The following SPOCK2 variants were observed in gnomAD, a reference collection of about 807,000 sequenced individuals.
The protein encoded by SPOCK2 is SPARC (osteonectin), cwcv and kazal like domains proteoglycan 2.
Under a neutral mutation model 60.1 loss-of-function variants are expected in SPOCK2, and 39 were observed. The ratio of observed to expected loss-of-function variants is 0.65; its 90% CI spans 0.50 to 0.85. The LOEUF (loss-of-function observed/expected upper bound fraction) is 0.85, where lower values mean the gene tolerates loss of function less well. Ranked by LOEUF, SPOCK2 falls within the 40% of genes least tolerant of loss-of-function variation. The pLI is 0.00. For missense variants in SPOCK2, 523 were observed against 567.4 expected, an observed-to-expected ratio of 0.92 and a Z score of 0.80; for synonymous variants, 217 against 231.5, an observed-to-expected ratio of 0.94 and a Z score of 0.57.
At chr10:72,088,929 C>G (rs1432585189), upstream of SPOCK2, 3 of 152,414 alleles carry the variant, frequency 2.0e-5, no homozygotes, top group Non-Finnish European at 4.4e-5. Context: ...CCCCTTGCCT[C>G]CCACCCAGAG....
At chr10:72,063,902 G>A in intron 9 of SPOCK2, among the ~76,000 whole-genome samples, 1 of 152,196 alleles carries the variant, frequency 6.6e-6, no homozygotes, top group East Asian at 1.9e-4. Context: ...CTCAGTGGAG[G>A]GTTCCAGGAT....
chr10:72,072,466 T>A, intron 3 of SPOCK2, 37 bp downstream of exon 3: 1 of 1,613,442 alleles, frequency 6.2e-7, no homozygotes, highest in Non-Finnish European at 8.5e-7. Context: ...TCTTCACACG[T>A]GTCAGTCACC....
rs535026375 is a variant in SPOCK2, at chr10:72,065,022, G to A, written c.929-782C>T. On this transcript the variant is annotated intron_variant, in intron 8 of 10. Coordinates refer to ENST00000373109, the MANE Select transcript of SPOCK2 (RefSeq NM_001244950.2). ...TGGGATTACAGGCATGAGCCACCGC[G>A]CCCAGCCTTATTTTATTTTTTGAGA... Among the ~76,000 whole-genome samples, 4 of 124,478 alleles carry A rather than the reference G, an allele frequency of 3.2e-5. 1 individual carries two copies. Among genetic ancestry groups the A allele is most frequent in the African/African-American group, 2.6e-5 (1 of 38,344 alleles). 81.7% of individuals were successfully genotyped at this position (124,478 alleles called of 152,430 possible).
chr10:72,082,288 C>T (rs1840795621), intron 1 of SPOCK2, among the ~76,000 whole-genome samples: 1 of 152,222 alleles, frequency 6.6e-6, no homozygotes, highest in African/African-American at 2.4e-5. Context: ...GGTCTGCACA[C>T]TGAGGCTGGG....
chr10:72,071,745 T>C (rs1231474720), intron 4 of SPOCK2, among the ~76,000 whole-genome samples: 1 of 152,176 alleles, frequency 6.6e-6, no homozygotes, highest in Non-Finnish European at 1.5e-5. Context: ...ATCTCTTAAA[T>C]GACTTACTTT....
Position 72,072,491 on chromosome 10 carries a change from G to A in SPOCK2, c.244+12C>T, listed in dbSNP as rs1396398710. On this transcript the variant is annotated intron_variant, in intron 3 of 10. Transcript: ENST00000373109. ...TGTCAGTCACCTTCCCCCGCCGGGA[G>A]AGTCATGTTACCTTCATCTCCTTGC... The A allele has an allele frequency of 1.2e-6, 2 of 1,613,940 alleles. No homozygotes were observed. The highest frequency in any genetic ancestry group is 1.7e-4 in the Middle Eastern group (1 of 6,060).
At chr10:72,081,988 GGGGAT>G (rs1478565350) in intron 1 of SPOCK2, among the ~76,000 whole-genome samples, 2 of 152,220 alleles carry the variant, frequency 1.3e-5, no homozygotes, top group African/African-American at 4.8e-5. Context: ...GCAATGCTCT[GGGGAT>G]GGGGTGGTAA....
chr10:72,072,936 C>T (rs1362133855), intron 1 of SPOCK2, 26 bp from the exon 2 acceptor site: 24 of 1,554,018 alleles, frequency 1.5e-5, no homozygotes, highest in Non-Finnish European at 2.0e-5. Flanking sequence ...CAGCAGCAGG[C>T]CATGGAAAAC....
rs960368727 is a variant in SPOCK2, at chr10:72,067,495, T to C, written c.709+118A>G. ...GGTGAAGGTTCTTTTGGGGCCCAGA[T>C]TGTAGGGCCCAGAGTCTGGCAGGAA... On this transcript the variant is annotated intron_variant, in intron 7 of 10. Coordinates refer to ENST00000373109, the MANE Select transcript of SPOCK2 (RefSeq NM_001244950.2). The C allele has an allele frequency of 4.2e-5, 64 of 1,512,052 alleles. No individual in the cohort carries two copies. In the African/African-American group the frequency reaches 7.0e-4, roughly 17 times the overall value. The allele number at this position is 1,512,052 out of a possible 1,614,324, so 93.7% of individuals were successfully genotyped here.
In SPOCK2 at chr10:72,063,019, C is replaced by T. The variant is rs774653211; in HGVS notation, c.1129+6G>A. 6.4e-7 allele frequency: 1 copy of T among 1,560,572 alleles called. No homozygotes were observed. Among genetic ancestry groups the T allele is most frequent in the East Asian group, 2.4e-5 (1 of 41,666 alleles). On this transcript the variant is annotated splice_donor_region_variant and intron_variant, in intron 10 of 10. Coordinates refer to ENST00000373109, the MANE Select transcript of SPOCK2 (RefSeq NM_001244950.2). ...CCCAGCAGGCCCTGAGCTGCCCAGC[C>T]CGTACCGCAGTCGGGGCTCCCATGC...
intron 1 of SPOCK2, chr10:72,086,857 C>G (rs1340587467): frequency 1.3e-6 from 2 of 1,548,730 alleles, no homozygotes; most frequent in Non-Finnish European, 1.7e-6. Context: ...CTTCCCATCA[C>G]TTGGCTGGAT....
At position 72,088,362 on chromosome 10, in the gene SPOCK2, T is replaced by G; in HGVS notation, c.-34A>C. On this transcript the variant is annotated 5_prime_UTR_variant, in exon 1 of 11. Transcript: ENST00000373109. ...GGGTTCGACCTGGGGGGGTCTTGAC[T>G]TCTGCAGTATTTTAATGTCCTTCCT... The G allele has an allele frequency of 6.6e-7, 1 of 1,508,474 alleles. No homozygotes were observed. Among genetic ancestry groups the G allele is most frequent in the Non-Finnish European group, 8.8e-7 (1 of 1,132,054 alleles). 93.4% of individuals were successfully genotyped at this position (1,508,474 alleles called of 1,614,324 possible).
chr10:72,077,602 T>C (rs1840729970), intron 1 of SPOCK2, among the ~76,000 whole-genome samples: 1 of 152,194 alleles, frequency 6.6e-6, no homozygotes, highest in African/African-American at 2.4e-5. Flanking sequence ...TTATGTCTAA[T>C]ATTTTGCTTA....
intron 1 of SPOCK2, among the ~76,000 whole-genome samples, chr10:72,083,581 C>G (rs764882191): frequency 4.5e-4 from 69 of 152,330 alleles, no homozygotes; most frequent in Middle Eastern, 3.4e-3. Flanking sequence ...TCCTCTCAGG[C>G]TGCTGCTAGA....
chr10:72,070,317 A>T lies in SPOCK2; in HGVS notation c.469T>A (p.Ser157Thr). 1 of 1,614,046 alleles carries T rather than the reference A, an allele frequency of 6.2e-7. No individual in the cohort carries two copies. Among genetic ancestry groups the T allele is most frequent in the Non-Finnish European group, 8.5e-7 (1 of 1,179,988 alleles). The change falls in exon 5 of 11, where the codon TCT (serine) becomes ACT (threonine). Residue 157 changes from serine (S) to threonine (T), a missense_variant. By Grantham distance (58) the Ser-to-Thr change is moderately conservative. Transcript: ENST00000373109. ...VCGSDGHTYS[S>T]VCKLEQQACL... Reference sequence around the variant, plus strand: ...CTGGGGCCTGGGCTCCTCACCACAGAGCTGTAAGTGTGGCCATCTGAGCCG... The same window carrying T: ...CTGGGGCCTGGGCTCCTCACCACAGTGCTGTAAGTGTGGCCATCTGAGCCG...
At position 72,062,831 on chromosome 10, in the gene SPOCK2, C is replaced by T. The variant is rs1840512101; in HGVS notation, c.1204G>A (p.Glu402Lys). 1 of 1,609,366 alleles carries T rather than the reference C, an allele frequency of 6.2e-7. No individual in the cohort carries two copies. Among genetic ancestry groups the T allele is most frequent in the African/African-American group, 1.3e-5 (1 of 75,028 alleles). Residue 402 changes from glutamate (E) to lysine (K), a missense_variant, in exon 11 of 11, where the codon GAA becomes AAA. Transcript: ENST00000373109. The surrounding 1 kb of genome is among the most constrained non-coding windows in gnomAD (Gnocchi z 4.3). ...WEDEEEKETE[E>K]AGEEAEEEEG... Reference sequence around the variant, plus strand: ...TCCTCCTCGGCCTCCTCGCCTGCTTCCTCCGTCTCCTTCTCCTCCTCATCC... The same window carrying T: ...TCCTCCTCGGCCTCCTCGCCTGCTTTCTCCGTCTCCTTCTCCTCCTCATCC...
rs934847278 is a variant in SPOCK2, at chr10:72,059,713, C to T, written c.*3047G>A. 2 of 152,714 alleles carry T rather than the reference C, an allele frequency of 1.3e-5. No individual in the cohort carries two copies. Among genetic ancestry groups the T allele is most frequent in the Non-Finnish European group, 2.9e-5 (2 of 68,138 alleles). 9.5% of individuals were successfully genotyped at this position (152,714 alleles called of 1,614,324 possible). On this transcript the variant is annotated 3_prime_UTR_variant, in exon 11 of 11. Transcript: ENST00000373109. ...GGAGTGAAGGGGGGTGACCACCCCC[C>T]ACGTGTGGGACAACAGGGGGCAGTC...
intron 5 of SPOCK2, 104 bp from the exon 6 acceptor site, chr10:72,068,405 C>A: frequency 8.1e-7 from 1 of 1,228,752 alleles, no homozygotes; most frequent in South Asian, 1.5e-5. Flanking sequence ...TCTGCCTCCC[C>A]CCATGGAGTG....
At position 72,066,911 on chromosome 10, in the gene SPOCK2, A is replaced by T; in HGVS notation, c.919T>A (p.Trp307Arg). Residue 307 changes from tryptophan (W) to arginine (R), a missense_variant, in exon 8 of 11, where the codon TGG (tryptophan) becomes AGG (arginine). Trp to Arg is a moderately radical substitution (Grantham distance 101). Coordinates refer to ENST00000373109, the MANE Select transcript of SPOCK2 (RefSeq NM_001244950.2). Reference protein sequence around the residue: ...VSTAEWCFCFWREKPPCLAEL... With the variant: ...VSTAEWCFCFRREKPPCLAEL... ...GGGGGGCTGCACTCACTCTCCCTCC[A>T]GAAGCAGAAGCACCACTCAGCAGTA... 1 of 1,614,196 alleles carries T rather than the reference A, an allele frequency of 6.2e-7. No homozygotes were observed. The highest frequency in any genetic ancestry group is 8.5e-7 in the Non-Finnish European group (1 of 1,180,042).
Sources: gnomAD v4.1 joint callset for allele counts (sites outside exome capture counted in the v4.1 genomes callset) on GRCh38, gnomAD v4.1.1 for gene constraint, Gnocchi (gnomAD v3.1) non-coding constraint, MANE v1.5 for transcripts, NCBI Gene and HGNC (gene_info 2026-07-23, HGNC 2026-07-21) for gene names.